The following CA10 variants were observed in gnomAD, a reference collection of about 807,000 sequenced individuals.
CA10 encodes carbonic anhydrase-related protein 10.
In CA10, 14 loss-of-function variants were observed where a neutral mutation model predicts 44.2. That is an observed-to-expected ratio of 0.32 (90% CI 0.21 to 0.50). The LOEUF (loss-of-function observed/expected upper bound fraction) is 0.50. Among genes scored for constraint, CA10 ranks in the 20% least tolerant of loss-of-function variants. The probability of loss-of-function intolerance (pLI) is 0.99; values close to 1 mark genes in which losing one functional copy is unlikely to be tolerated. For missense variants in CA10, 350 were observed against 409.7 expected (o/e 0.85, Z 1.26); for synonymous variants, 159 against 141.6 (o/e 1.12, Z -0.87).
chr17:51,743,677 C>T (rs1036411773), intron 4 of CA10, among the ~76,000 whole-genome samples: 2 of 152,162 alleles, frequency 1.3e-5, no homozygotes, highest in East Asian at 3.9e-4. Flanking sequence ...AAGGAAAATG[C>T]CTGGCATTAA....
At chr17:51,663,047 T>TA (rs1914064495) in intron 4 of CA10, among the ~76,000 whole-genome samples, 2 of 152,310 alleles carry the variant, frequency 1.3e-5, no homozygotes, top group Admixed American at 1.3e-4. Flanking sequence ...ATTATTTCTT[T>TA]ATGCATAATA....
At chr17:51,925,745 T>C (rs1982402965) in intron 3 of CA10, among the ~76,000 whole-genome samples, 1 of 152,212 alleles carries the variant, frequency 6.6e-6, no homozygotes, top group South Asian at 2.1e-4. Flanking sequence ...CAATGGAGTA[T>C]TATTCAGCCT....
At chr17:51,662,669 A>G (rs759124554) in intron 4 of CA10, among the ~76,000 whole-genome samples, 4 of 152,192 alleles carry the variant, frequency 2.6e-5, no homozygotes, top group African/African-American at 9.7e-5. Flanking sequence ...ACCAGCCACC[A>G]CATTCTCACC....
At chr17:52,157,526 A>ACCG (rs1480637933) in intron 1 of CA10, among the ~76,000 whole-genome samples, 200 bp downstream of exon 1, 1 of 111,808 alleles carries the variant, frequency 8.9e-6, no homozygotes, top group Non-Finnish European at 1.8e-5. Flanking sequence ...ACAGATCCTA[A>ACCG]CCACCCCCCC....
At chr17:51,921,796 A>T (rs909904507) in intron 3 of CA10, among the ~76,000 whole-genome samples, 1 of 152,206 alleles carries the variant, frequency 6.6e-6, no homozygotes, top group African/African-American at 2.4e-5. Context: ...TTTCACATGT[A>T]GTGTTCTTAC....
intron 3 of CA10, among the ~76,000 whole-genome samples, chr17:51,772,476 T>G (rs1905648477): frequency 6.6e-6 from 1 of 152,212 alleles, no homozygotes; most frequent in Admixed American, 6.5e-5. Flanking sequence ...TCCCTAACAT[T>G]TCATGTTTCA....
intron 3 of CA10, among the ~76,000 whole-genome samples, chr17:51,926,570 T>C (rs1982438395): frequency 1.3e-5 from 2 of 152,196 alleles, no homozygotes; most frequent in Non-Finnish European, 2.9e-5. Context: ...AGTAGGGCTG[T>C]ATTCCTTCTG....
chr17:51,831,675 G>GCAGCAGCAGCAGCAGCAGCAT (rs1567854475), intron 3 of CA10, among the ~76,000 whole-genome samples: 6 of 43,320 alleles, frequency 1.4e-4, no homozygotes, highest in African/African-American at 5.0e-4. Context: ...AAAAGCAGCA[G>GCAGCAGCAGCAGCAGCAGCAT]CAGCAGCAGC....
chr17:51,663,231 G>GA (rs1914073797), intron 4 of CA10, among the ~76,000 whole-genome samples: 1 of 149,964 alleles, frequency 6.7e-6, no homozygotes, highest in Non-Finnish European at 1.5e-5. Flanking sequence ...AATGCGTTTC[G>GA]AGACCACTTT....
rs1286560400 is a variant in CA10 at position 52,059,027 on chromosome 17, A to AT, written c.136+13291dup. On this transcript the variant is annotated intron_variant, in intron 2 of 8. Coordinates refer to ENST00000451037, the MANE Select transcript of CA10 (RefSeq NM_020178.5). ...TTTTGGGGAAAAGAAATAACAAAGT[A>AT]TTTCTAATTGAGGGTGAGTCAGTGT... Among the ~76,000 whole-genome samples the AT allele has an allele frequency of 1.3e-5, 2 of 152,150 alleles. 1 individual carries two copies. Among genetic ancestry groups the AT allele is most frequent in the African/African-American group, 4.8e-5 (2 of 41,442 alleles).
intron 3 of CA10, among the ~76,000 whole-genome samples, chr17:51,768,903 A>G (rs1534204): frequency 0.62 from 93,866 of 151,984 alleles, 29,396 homozygotes; most frequent in East Asian, 0.78. Context: ...GGAAAGGGCC[A>G]ATGATGAAAA....
At chr17:52,060,370 GAAACAGGACCTTAGTGGAAA>G in intron 2 of CA10, among the ~76,000 whole-genome samples, 1 of 152,158 alleles carries the variant, frequency 6.6e-6, no homozygotes, top group South Asian at 2.1e-4. Flanking sequence ...TTATGCAACA[GAAACAGGACCTTAGTGGAAA>G]AACTCGGATA....
chr17:51,806,411 G>A (rs1044661483), intron 3 of CA10, among the ~76,000 whole-genome samples: 7 of 152,126 alleles, frequency 4.6e-5, no homozygotes, highest in African/African-American at 1.7e-4. Context: ...ATATGCAATC[G>A]TTAATAATCT....
intron 3 of CA10, among the ~76,000 whole-genome samples, chr17:51,820,269 G>C (rs891336167): frequency 7.3e-6 from 1 of 137,776 alleles, no homozygotes; most frequent in South Asian, 2.2e-4. Flanking sequence ...ACTCCAATGC[G>C]TTCTTTTCTT....
intron 2 of CA10, among the ~76,000 whole-genome samples, chr17:52,059,295 G>A (rs1453444508): frequency 6.6e-6 from 1 of 152,096 alleles, no homozygotes. Context: ...AGCTGGAATG[G>A]TTCTTTGGAA....
chr17:51,835,397 T>C (rs1908440112), intron 3 of CA10, among the ~76,000 whole-genome samples: 5 of 152,224 alleles, frequency 3.3e-5, no homozygotes, highest in South Asian at 2.1e-4. Context: ...TTTGTGGCAC[T>C]TCAGCGGTGG....
At chr17:51,878,947 T>TAA (rs1261661003) in intron 3 of CA10, among the ~76,000 whole-genome samples, 11 of 141,440 alleles carry the variant, frequency 7.8e-5, no homozygotes, top group Non-Finnish European at 1.4e-4. Context: ...TATATATATA[T>TAA]AATGAACAAA....
intron 4 of CA10, among the ~76,000 whole-genome samples, chr17:51,744,748 A>T (rs996039107): frequency 1.3e-5 from 2 of 152,194 alleles, no homozygotes; most frequent in Non-Finnish European, 2.9e-5. Context: ...TTTTGTAGCT[A>T]CCACCCATTG....
At chr17:51,984,275 A>T (rs1984751906) in intron 2 of CA10, among the ~76,000 whole-genome samples, 1 of 151,920 alleles carries the variant, frequency 6.6e-6, no homozygotes, top group Non-Finnish European at 1.5e-5. Flanking sequence ...CAAAAACGAA[A>T]GCAAGATGGA....
Sources: allele counts gnomAD v4.1 joint callset (sites outside exome capture counted in the v4.1 genomes callset), GRCh38; gene constraint gnomAD v4.1.1; transcripts MANE v1.5; gene names NCBI Gene and HGNC (gene_info 2026-07-23, HGNC 2026-07-21).